Variants in DDR1 observed in about 807,000 individuals in gnomAD.
DDR1 encodes discoidin domain receptor tyrosine kinase 1.
DDR1 carries 64 observed loss-of-function variants against 97.4 expected under a neutral mutation model. The ratio of observed to expected loss-of-function variants is 0.66; its 90% CI spans 0.54 to 0.81. The LOEUF is 0.81. Among genes scored for constraint, DDR1 ranks in the 30% least tolerant of loss-of-function variants. The pLI, the probability that DDR1 is intolerant of heterozygous loss-of-function variation, is 0.00. For missense variants in DDR1, 990 were observed against 1,259.6 expected, an observed-to-expected ratio of 0.79 and a Z score of 3.24; for synonymous variants, 458 against 503.7, an observed-to-expected ratio of 0.91 and a Z score of 1.21.
In DDR1 at chr6:30,889,530, C is replaced by A. The variant is rs1787227991; in HGVS notation, c.417+100C>A. 6 of 835,902 alleles carry A rather than the reference C, an allele frequency of 7.2e-6. No homozygotes were observed. The highest frequency in any genetic ancestry group is 1.1e-5 in the Non-Finnish European group (6 of 563,536). The allele number at this position is 835,902 out of a possible 1,614,324, so 51.8% of individuals were successfully genotyped here. A position where few individuals can be genotyped will look rare whatever the true frequency, so the allele number is the denominator to read the frequency against. On this transcript the variant is annotated intron_variant, in intron 4 of 17. Transcript: ENST00000376568. This position sits in a 1 kb window ranked among gnomAD's most constrained non-coding sequence, Gnocchi z 4.9. ...ACGCTGACGACTCTCCAGTTTATAT[C>A]ATCTCCAGACTAAGCCTCTCAGCTG...
Position 30,894,356 on chromosome 6 carries a change from A to T in DDR1, c.1348-150A>T. ...AGTTACCTCCATGCTCTTGAGCTTC[A>T]CTTTCTCTGCCTGTAAGATGGTGCT... On this transcript the variant is annotated intron_variant, in intron 10 of 17. Transcript: ENST00000376568. The surrounding 1 kb of genome is among the most constrained non-coding windows in gnomAD (Gnocchi z 5.7). 2 of 633,288 alleles carry T rather than the reference A, an allele frequency of 3.2e-6. No individual in the cohort carries two copies. The highest frequency in any genetic ancestry group is 4.8e-6 in the Non-Finnish European group (2 of 412,804). 39.2% of individuals were successfully genotyped at this position (633,288 alleles called of 1,614,324 possible).
Position 30,896,859 on chromosome 6 carries a change from TG to T in DDR1, c.1867del (p.Glu623ArgfsTer30). 1 of 1,577,250 alleles carries T rather than the reference TG, an allele frequency of 6.3e-7. No homozygotes were observed. The highest frequency in any genetic ancestry group is 8.6e-7 in the Non-Finnish European group (1 of 1,158,776). On this transcript the variant is annotated frameshift_variant, in exon 13 of 18. Coordinates refer to ENST00000376568, the MANE Select transcript of DDR1 (RefSeq NM_001297654.2). LOFTEE classifies it high-confidence loss of function. ...FKEKLGEGQF[G>X]EVHLCEVDSP... ...AGGAGAAGCTTGGCGAGGGCCAGTT[TG>T]GGGAGGTAAGGAGGGTGCCTACCCA...
In DDR1 at chr6:30,888,897, T is replaced by C. The variant is rs1270872253; in HGVS notation, c.86-11T>C. 6.2e-7 allele frequency: 1 copy of C among 1,612,858 alleles called. No individual in the cohort carries two copies. The highest frequency in any genetic ancestry group is 1.3e-5 in the African/African-American group (1 of 74,896). ...GGGCCTTGACCTGTTACATGCCTGC[T>C]TTTTACTCAGCCAAGTGCCGCTATG... is the stretch of plus-strand genomic sequence containing the variant. On this transcript the variant is annotated splice_polypyrimidine_tract_variant and intron_variant, in intron 2 of 17. Coordinates refer to ENST00000376568, the MANE Select transcript of DDR1 (RefSeq NM_001297654.2). The surrounding 1 kb of genome is among the most constrained non-coding windows in gnomAD (Gnocchi z 4.2).
chr6:30,891,562 T>TGTGTGTGA lies in DDR1; in HGVS notation c.665+90_665+91insAGTGTGTG. 5 of 691,666 alleles carry TGTGTGTGA rather than the reference T, an allele frequency of 7.2e-6. No individual in the cohort carries two copies. Among genetic ancestry groups the TGTGTGTGA allele is most frequent in the Non-Finnish European group, 1.1e-5 (5 of 436,132 alleles). 42.8% of individuals were successfully genotyped at this position (691,666 alleles called of 1,614,324 possible). A position where few individuals can be genotyped will look rare whatever the true frequency, so the allele number is the denominator to read the frequency against. On this transcript the variant is annotated intron_variant, in intron 6 of 17. Transcript: ENST00000376568. This position sits in a 1 kb window ranked among gnomAD's most constrained non-coding sequence, Gnocchi z 5.3. ...GTGTGTGTGTGTGTGTGTGTGAGAG[T>TGTGTGTGA]GTGTGTGTGTAGGGGGGCTGGTAAG...
chr6:30,895,456 T>TC lies in DDR1; in HGVS notation c.1571dup (p.Arg525SerfsTer27). On this transcript the variant is annotated frameshift_variant, in exon 12 of 18. Coordinates refer to ENST00000376568, the MANE Select transcript of DDR1 (RefSeq NM_001297654.2). LOFTEE classifies it high-confidence loss of function. ...GCCTCCTTCTGGCCACTTACGCCCGTCCCCCTCGAGGCCCGGGCCCCCCCA... is the reference window on the plus strand; with the variant it reads ...GCCTCCTTCTGGCCACTTACGCCCGTCCCCCCTCGAGGCCCGGGCCCCCCCA... The TC allele has an allele frequency of 6.2e-7, 1 of 1,607,476 alleles. No individual in the cohort carries two copies. Among genetic ancestry groups the TC allele is most frequent in the Non-Finnish European group, 8.5e-7 (1 of 1,178,568 alleles).
At chr6:30,895,560 A>C in intron 12 of DDR1, 46 bp downstream of exon 12, 14 of 1,247,540 alleles carry the variant, frequency 1.1e-5, no homozygotes, top group Non-Finnish European at 1.6e-5. Flanking sequence ...CCATACCTCT[A>C]CTGGGGCAGG....
In DDR1 at chr6:30,888,817, G is replaced by A; in HGVS notation, c.85+3G>A. ...CATGAAGGGACATTTTGATCCTGGTGAGGAGACTGAATCATGGGTCCCTGA... is the reference window on the plus strand; with the variant it reads ...CATGAAGGGACATTTTGATCCTGGTAAGGAGACTGAATCATGGGTCCCTGA... On this transcript the variant is annotated splice_donor_region_variant and intron_variant, in intron 2 of 17. Transcript: ENST00000376568. This position sits in a 1 kb window ranked among gnomAD's most constrained non-coding sequence, Gnocchi z 4.2. 3 of 1,613,030 alleles carry A rather than the reference G, an allele frequency of 1.9e-6. No homozygotes were observed. The highest frequency in any genetic ancestry group is 1.7e-6 in the Non-Finnish European group (2 of 1,180,034).
chr6:30,899,036 A>G lies in DDR1; in HGVS notation c.2600A>G (p.Gln867Arg). 1 of 1,614,134 alleles carries G rather than the reference A, an allele frequency of 6.2e-7. No homozygotes were observed. Among genetic ancestry groups the G allele is most frequent in the Non-Finnish European group, 8.5e-7 (1 of 1,180,008 alleles). The change falls in exon 17 of 18, where the codon CAG (glutamine) becomes CGG (arginine). Residue 867 changes from glutamine to arginine, a missense_variant and splice_region_variant. By Grantham distance (43) the Gln-to-Arg change is conservative. Transcript: ENST00000376568. ...AGEFFRDQGR[Q>R]VYLSRPPACP... ...GAGTTCTTCCGGGACCAGGGCCGGC[A>G]GGTCAGAGTGGAGGAGAGGGAAGAT...
At position 30,886,108 on chromosome 6, in the gene DDR1, T is replaced by C. The variant is rs567825655; in HGVS notation, c.-43+1398T>C. Among the ~76,000 whole-genome samples the C allele has an allele frequency of 6.6e-6, 1 of 152,268 alleles. No individual in the cohort carries two copies. Among genetic ancestry groups the C allele is most frequent in the South Asian group, 2.1e-4 (1 of 4,818 alleles). ...ACGTCTCTGTGCTTCTCCGTGTTCC[T>C]CTGCTTGGCTCTGTGCCCCGTGTTT... On this transcript the variant is annotated intron_variant, in intron 1 of 17. Transcript: ENST00000376568. This position sits in a 1 kb window ranked among gnomAD's most constrained non-coding sequence, Gnocchi z 4.6.
Position 30,892,836 on chromosome 6 carries a change from C to G in DDR1, c.1100-232C>G, listed in dbSNP as rs1789062310. The G allele has an allele frequency of 6.8e-6, 4 of 590,372 alleles. No individual in the cohort carries two copies. In the East Asian group the frequency reaches 1.2e-4, roughly 17 times the overall value. The allele number at this position is 590,372 out of a possible 1,614,324, so 36.6% of individuals were successfully genotyped here. On this transcript the variant is annotated intron_variant, in intron 8 of 17. Coordinates refer to ENST00000376568, the MANE Select transcript of DDR1 (RefSeq NM_001297654.2). ...TATTAGTTGAGAAATAGCCTCTTCTCTAAGCCTCCAGATACCTGTCCTCCA... is the reference window on the plus strand; with the variant it reads ...TATTAGTTGAGAAATAGCCTCTTCTGTAAGCCTCCAGATACCTGTCCTCCA...
Position 30,897,448 on chromosome 6 carries a change from CGT to C in DDR1, c.2075_2076del (p.Val692AlafsTer10). 2 of 1,614,050 alleles carry C rather than the reference CGT, an allele frequency of 1.2e-6. No individual in the cohort carries two copies. Among genetic ancestry groups the C allele is most frequent in the Non-Finnish European group, 1.7e-6 (2 of 1,180,006 alleles). On this transcript the variant is annotated frameshift_variant, in exon 15 of 18. Transcript: ENST00000376568. LOFTEE classifies it high-confidence loss of function. This position sits in a 1 kb window ranked among gnomAD's most constrained non-coding sequence, Gnocchi z 5.2. ...KDPNIIRLLG[V>X]CVQDDPLCMI... ...ACCCAAACATCATTCGGCTGCTGGG[CGT>C]GTGTGTGCAGGACGACCCCCTCTGC...
intron 12 of DDR1, 118 bp from the exon 13 acceptor site, chr6:30,896,503 C>A: frequency 7.7e-7 from 1 of 1,299,628 alleles, no homozygotes; most frequent in East Asian, 2.4e-5. Flanking sequence ...CAGCATAGAC[C>A]CAGTCTCTCA....
upstream of DDR1, chr6:30,882,137 G>A (rs1165648337): frequency 6.6e-6 from 1 of 152,520 alleles, no homozygotes; most frequent in Non-Finnish European, 1.5e-5. This position sits in a 1 kb window ranked among gnomAD's most constrained non-coding sequence, Gnocchi z 4.8. Flanking sequence ...TGTATGTGTG[G>A]GGGCCCATCT....
intron 1 of DDR1, chr6:30,885,492 C>A: frequency 9.3e-7 from 1 of 1,070,424 alleles, no homozygotes; most frequent in Non-Finnish European, 1.3e-6. Flanking sequence ...GTCCCTCTGG[C>A]TTGGTCACCC....
Position 30,889,779 on chromosome 6 carries a change from C to T in DDR1, c.417+349C>T, listed in dbSNP as rs559274559. Among the ~76,000 whole-genome samples the T allele has an allele frequency of 1.2e-4, 18 of 152,190 alleles. No homozygotes were observed. Among genetic ancestry groups the T allele is most frequent in the Admixed American group, 7.9e-4 (12 of 15,284 alleles). On this transcript the variant is annotated intron_variant, in intron 4 of 17. Transcript: ENST00000376568. This position sits in a 1 kb window ranked among gnomAD's most constrained non-coding sequence, Gnocchi z 4.9. ...GCATCTCAAACGTACGTTTAACTTCCCAAGCTGAATTTGATTCCCATTCCC... is the reference window on the plus strand; with the variant it reads ...GCATCTCAAACGTACGTTTAACTTCTCAAGCTGAATTTGATTCCCATTCCC...
rs144828051 is a variant in DDR1 at position 30,899,016 on chromosome 6, C to T, written c.2580C>T (p.Phe860=). The T allele has an allele frequency of 7.4e-6, 12 of 1,614,008 alleles. No homozygotes were observed. Among genetic ancestry groups the T allele is most frequent in the African/African-American group, 1.3e-5 (1 of 74,896 alleles). ...DEQVIENAGE[F]FRDQGRQVYL... is the part of the protein sequence containing the mutation. The stretch of plus-strand genomic sequence containing the variant: ...AGGTCATCGAGAACGCGGGGGAGTT[C>T]TTCCGGGACCAGGGCCGGCAGGTCA... The change falls in exon 17 of 18, where the codon TTC becomes TTT. Residue 860 remains phenylalanine (F), a synonymous_variant. Transcript: ENST00000376568.
At chr6:30,887,474 G>A (rs4618569) in intron 1 of DDR1, among the ~76,000 whole-genome samples, 39,770 of 151,858 alleles carry the variant, frequency 0.26, 6,162 homozygotes, top group East Asian at 0.61. Context: ...CCTTCTAGAC[G>A]TACACACAGG....
chr6:30,892,522 G>C lies in DDR1; in HGVS notation c.1079G>C (p.Ser360Thr). Residue 360 changes from serine to threonine, a missense_variant, in exon 8 of 18, where the codon AGC (serine) becomes ACC (threonine). Transcript: ENST00000376568. ...TTTGCGGGGCCCTGGTTACTCTTCAGCGAAATCTCCTTCATCTCTGGTAAG... is the reference window on the plus strand; with the variant it reads ...TTTGCGGGGCCCTGGTTACTCTTCACCGAAATCTCCTTCATCTCTGGTAAG... ...FLFAGPWLLF[S>T]EISFISDVVN... is the part of the protein sequence containing the mutation. The C allele has an allele frequency of 6.3e-7, 1 of 1,596,308 alleles. No homozygotes were observed. The highest frequency in any genetic ancestry group is 8.5e-7 in the Non-Finnish European group (1 of 1,170,014).
In DDR1 at chr6:30,899,175, C is replaced by T. The variant is rs1415586012; in HGVS notation, c.2621C>T (p.Pro874Leu). Residue 874 changes from proline to leucine, a missense_variant, in exon 18 of 18, where the codon CCT becomes CTT. Physicochemically the swap from Pro to Leu is moderately conservative, Grantham distance 98. Transcript: ENST00000376568. ...ATGCAGGTGTACCTGTCCCGGCCGC[C>T]TGCCTGCCCGCAGGGCCTATATGAG... ...QGRQVYLSRP[P>L]ACPQGLYELM... 3 of 1,614,108 alleles carry T rather than the reference C, an allele frequency of 1.9e-6. No individual in the cohort carries two copies. Among genetic ancestry groups the T allele is most frequent in the Non-Finnish European group, 2.5e-6 (3 of 1,180,028 alleles).
Sources: gnomAD v4.1 joint callset for allele counts (sites outside exome capture counted in the v4.1 genomes callset) on GRCh38, gnomAD v4.1.1 for gene constraint, Gnocchi (gnomAD v3.1) non-coding constraint, MANE v1.5 for transcripts, NCBI Gene and HGNC (gene_info 2026-07-23, HGNC 2026-07-21) for gene names.